Variants in PHF24 observed in about 807,000 individuals in gnomAD.
PHF24 encodes Galpha inhibitory interacting protein.
A neutral mutation model predicts 42.6 loss-of-function variants in PHF24; 25 were observed. The ratio of observed to expected loss-of-function variants is 0.59; its 90% CI spans 0.43 to 0.82. The LOEUF is 0.82. PHF24 is among the 40% of genes least tolerant of loss of function. PHF24 has a pLI of 0.00. For synonymous variants in PHF24, 185 were observed against 204.8 expected, an observed-to-expected ratio of 0.90 and a Z score of 0.83; for missense variants, 470 against 538.1, an observed-to-expected ratio of 0.87 and a Z score of 1.25.
chr9:34,710,181 C>A, the PHF24 span: 1 of 790,156 alleles, frequency 1.3e-6, no homozygotes, highest in South Asian at 1.7e-5. Context: ...TAGACACTTT[C>A]ACTTCCCTTA....
the PHF24 span, among the ~76,000 whole-genome samples, chr9:34,860,132 T>C: frequency 6.6e-6 from 1 of 152,216 alleles, no homozygotes; most frequent in African/African-American, 2.4e-5. Flanking sequence ...TGCACCACAG[T>C]CTAGAAACTG....
the PHF24 span, among the ~76,000 whole-genome samples, chr9:34,706,531 A>G: frequency 6.6e-6 from 1 of 152,214 alleles, no homozygotes; most frequent in African/African-American, 2.4e-5. Context: ...ATGCATCAAG[A>G]GAATAAGAGA....
At chr9:34,871,620 A>ATG in the PHF24 span, among the ~76,000 whole-genome samples, 1 of 152,048 alleles carries the variant, frequency 6.6e-6, no homozygotes, top group East Asian at 1.9e-4. Context: ...TTTGTAAAGG[A>ATG]TGTAAGGTCT....
At chr9:34,795,765 G>C in the PHF24 span, among the ~76,000 whole-genome samples, 1 of 152,164 alleles carries the variant, frequency 6.6e-6, no homozygotes, top group South Asian at 2.1e-4. Context: ...GGGAGTCCGA[G>C]GTGGGAGAAT....
At chr9:34,728,506 A>G in the PHF24 span, 29 of 1,121,302 alleles carry the variant, frequency 2.6e-5, no homozygotes, top group Admixed American at 9.3e-5. Context: ...TGGAGTCTTC[A>G]GTGGCAGAGC....
At chr9:34,719,769 C>G in the PHF24 span, among the ~76,000 whole-genome samples, 8 of 152,212 alleles carry the variant, frequency 5.3e-5, no homozygotes, top group African/African-American at 1.7e-4. Context: ...TCCCTCTGTT[C>G]TAGCTGTGTG....
At chr9:34,776,498 T>G in the PHF24 span, among the ~76,000 whole-genome samples, 1 of 152,244 alleles carries the variant, frequency 6.6e-6, no homozygotes, top group Non-Finnish European at 1.5e-5. Flanking sequence ...TGAATGTATT[T>G]TGCATTTCAT....
the PHF24 span, among the ~76,000 whole-genome samples, chr9:34,712,117 C>G: frequency 2.0e-5 from 3 of 150,306 alleles, no homozygotes; most frequent in African/African-American, 7.3e-5. Context: ...TTTTTTTCTT[C>G]AGTCTTTAAA....
chr9:34,832,390 G>A, the PHF24 span: 1 of 1,032,772 alleles, frequency 9.7e-7, no homozygotes, highest in South Asian at 1.4e-5. Flanking sequence ...GAGCCAGGTT[G>A]TCTGGAGTGT....
chr9:34,978,243 G>C, exon 8 of PHF24: 1 of 659,212 alleles, frequency 1.5e-6, no homozygotes, highest in Non-Finnish European at 2.7e-6. Flanking sequence ...TTGTCACTAA[G>C]CTTTAAGGCA....
chr9:34,729,743 T>A, the PHF24 span, among the ~76,000 whole-genome samples: 1 of 152,324 alleles, frequency 6.6e-6, no homozygotes, highest in East Asian at 1.9e-4. Context: ...CCTTCACAAC[T>A]GTATGGTCAC....
chr9:34,733,265 A>G, the PHF24 span, among the ~76,000 whole-genome samples: 1 of 152,158 alleles, frequency 6.6e-6, no homozygotes, highest in African/African-American at 2.4e-5. Context: ...ATGTATGATA[A>G]TCACCTTTTT....
At chr9:34,740,233 C>T in the PHF24 span, among the ~76,000 whole-genome samples, 1 of 152,252 alleles carries the variant, frequency 6.6e-6, no homozygotes, top group African/African-American at 2.4e-5. Flanking sequence ...GGCCGTGCGC[C>T]CGCACTCCTC....
chr9:34,933,618 A>G, the PHF24 span, among the ~76,000 whole-genome samples: 69,660 of 150,174 alleles, frequency 0.46, 16,427 homozygotes, highest in Non-Finnish European at 0.51. Context: ...CCAGCTACTC[A>G]GGAGGCTGAG....
At chr9:34,897,036 A>T in the PHF24 span, among the ~76,000 whole-genome samples, 346 of 152,234 alleles carry the variant, frequency 2.3e-3, 1 homozygote, top group African/African-American at 7.8e-3. Context: ...GGCACCTGTA[A>T]TCCCAGCTAC....
chr9:34,847,273 C>T, the PHF24 span, among the ~76,000 whole-genome samples: 2 of 152,244 alleles, frequency 1.3e-5, no homozygotes, highest in Middle Eastern at 3.4e-3. Flanking sequence ...TCTTTTATTT[C>T]GTTGAGCAGT....
the PHF24 span, chr9:34,833,080 T>G: frequency 5.3e-6 from 8 of 1,519,366 alleles, no homozygotes; most frequent in East Asian, 1.3e-4. Flanking sequence ...GGCGTCTCTC[T>G]TCTCTGGTTG....
At chr9:34,893,271 C>G in the PHF24 span, 2 of 418,422 alleles carry the variant, frequency 4.8e-6, no homozygotes, top group South Asian at 1.0e-4. Context: ...CCTACACTCT[C>G]TTGTTGTCTA....
At chr9:34,974,534 T>A (rs1184768914) in intron 3 of PHF24, among the ~76,000 whole-genome samples, 1 of 152,176 alleles carries the variant, frequency 6.6e-6, no homozygotes, top group African/African-American at 2.4e-5. Context: ...ATCCAGTACC[T>A]TCTTCTCTAC....
Sources: allele counts gnomAD v4.1 joint callset (sites outside exome capture counted in the v4.1 genomes callset), GRCh38; gene constraint gnomAD v4.1.1; transcripts MANE v1.5; gene names NCBI Gene and HGNC (gene_info 2026-07-23, HGNC 2026-07-21).